RBFOX2: variants seen among roughly 807,000 people sequenced by gnomAD.
The protein encoded by RBFOX2 is RNA binding fox-1 homolog 2.
Under a neutral mutation model 49.1 loss-of-function variants are expected in RBFOX2, and 10 were observed. The observed-to-expected ratio is 0.20, with a 90% confidence interval of 0.13 to 0.35. RBFOX2 has a LOEUF of 0.35. Among genes scored for constraint, RBFOX2 ranks in the 10% least tolerant of loss-of-function variants. The probability of loss-of-function intolerance (pLI) is 1.00; values close to 1 mark genes in which losing one functional copy is unlikely to be tolerated. For missense variants in RBFOX2, 323 were observed against 486.9 expected (o/e 0.66, Z 3.17); for synonymous variants, 183 against 187.4 (o/e 0.98, Z 0.19).
intron 1 of RBFOX2, among the ~76,000 whole-genome samples, chr22:35,891,222 C>T (rs769290396): frequency 2.4e-4 from 37 of 151,944 alleles, no homozygotes; most frequent in Non-Finnish European, 4.3e-4. Context: ...CAACCTCCAC[C>T]TCCCGGGTTC....
intron 1 of RBFOX2, among the ~76,000 whole-genome samples, chr22:35,917,137 C>T (rs2050517549): frequency 6.6e-6 from 1 of 152,082 alleles, no homozygotes. Flanking sequence ...TTGAGCAACT[C>T]CTAGGTGATG....
chr22:35,806,965 G>A (rs751797789), intron 2 of RBFOX2, among the ~76,000 whole-genome samples: 1 of 152,088 alleles, frequency 6.6e-6, no homozygotes, highest in Non-Finnish European at 1.5e-5. Context: ...CACCACGCCC[G>A]GCTAATTTTT....
At chr22:36,024,127 A>T (rs2059342845) in intron 1 of RBFOX2, among the ~76,000 whole-genome samples, 1 of 152,184 alleles carries the variant, frequency 6.6e-6, no homozygotes, top group Non-Finnish European at 1.5e-5. Flanking sequence ...CTGTGATGAT[A>T]CCCTCACTCT....
At chr22:35,937,563 T>G (rs1243718341) in intron 1 of RBFOX2, among the ~76,000 whole-genome samples, 1 of 152,132 alleles carries the variant, frequency 6.6e-6, no homozygotes, top group Non-Finnish European at 1.5e-5. Context: ...TCCTAGTTTT[T>G]GTTTTTTTGT....
At chr22:35,973,356 T>C (rs945160358) in intron 1 of RBFOX2, among the ~76,000 whole-genome samples, 5 of 152,232 alleles carry the variant, frequency 3.3e-5, no homozygotes, top group Admixed American at 3.3e-4. Context: ...AGTAACTGTT[T>C]AACAATTAGT....
intron 1 of RBFOX2, among the ~76,000 whole-genome samples, chr22:35,923,332 CT>C (rs1169060618): frequency 1.3e-5 from 2 of 150,214 alleles, no homozygotes; most frequent in East Asian, 2.0e-4. Flanking sequence ...CCTTTCATAT[CT>C]TTTTTTTCTT....
Position 35,817,209 on chromosome 22 carries a change from T to C in RBFOX2, c.28-7205A>G, listed in dbSNP as rs115066668. 1.6e-3 allele frequency among the ~76,000 whole-genome samples: 246 copies of C among 152,106 alleles called. 1 individual carries two copies. Among genetic ancestry groups the C allele is most frequent in the African/African-American group, 5.3e-3 (222 of 41,506 alleles). On this transcript the variant is annotated intron_variant, in intron 1 of 11. Transcript: ENST00000405409. ...AAGAGGGCATAGAGGCTAGGCCCCA[T>C]GGCTCCCAAGGTAATTCCAGCACCT...
chr22:35,866,541 T>C (rs1321000966), intron 1 of RBFOX2, among the ~76,000 whole-genome samples: 1 of 152,084 alleles, frequency 6.6e-6, no homozygotes, highest in Non-Finnish European at 1.5e-5. Context: ...TCCCACTAAG[T>C]ACAATTTAAA....
intron 1 of RBFOX2, among the ~76,000 whole-genome samples, chr22:35,945,386 G>C (rs1243963170): frequency 1.3e-5 from 2 of 151,278 alleles, no homozygotes; most frequent in Non-Finnish European, 2.9e-5. Context: ...AATCCCATAT[G>C]CTATTACATG....
At chr22:35,836,765 T>G (rs1013683445) in intron 1 of RBFOX2, among the ~76,000 whole-genome samples, 5 of 152,252 alleles carry the variant, frequency 3.3e-5, no homozygotes, top group African/African-American at 9.6e-5. Flanking sequence ...CCTAGTACAC[T>G]TTCCCTTTCA....
intron 1 of RBFOX2, among the ~76,000 whole-genome samples, chr22:35,873,517 T>C (rs2044628556): frequency 6.6e-6 from 1 of 152,214 alleles, no homozygotes; most frequent in Non-Finnish European, 1.5e-5. Flanking sequence ...GTTCCTACAA[T>C]AGTACTAGTG....
intron 1 of RBFOX2, among the ~76,000 whole-genome samples, chr22:35,956,913 G>A (rs1255681828): frequency 6.6e-6 from 1 of 152,178 alleles, no homozygotes; most frequent in Non-Finnish European, 1.5e-5. Context: ...TACTTCAGCA[G>A]GAACACTGAA....
chr22:35,853,604 C>T (rs2042187659), intron 1 of RBFOX2, among the ~76,000 whole-genome samples: 2 of 151,932 alleles, frequency 1.3e-5, no homozygotes, highest in South Asian at 4.2e-4. Flanking sequence ...CATATGTCCA[C>T]ACATTATATA....
intron 1 of RBFOX2, among the ~76,000 whole-genome samples, chr22:35,936,920 C>G (rs754476983): frequency 6.6e-6 from 1 of 152,160 alleles, no homozygotes; most frequent in Non-Finnish European, 1.5e-5. Context: ...ATTAGCTTTA[C>G]CTTCCTAAAT....
chr22:35,966,549 C>G (rs1419416351), upstream of RBFOX2, among the ~76,000 whole-genome samples: 2 of 152,150 alleles, frequency 1.3e-5, no homozygotes, highest in African/African-American at 4.8e-5. Context: ...GTGATAATAT[C>G]TCATCGTGGT....
intron 1 of RBFOX2, among the ~76,000 whole-genome samples, chr22:36,004,974 C>T (rs13058174): frequency 2.0e-5 from 3 of 152,166 alleles, no homozygotes; most frequent in Non-Finnish European, 2.9e-5. Flanking sequence ...TGCAGACTCC[C>T]ATTCTCTGAG....
At chr22:35,894,379 A>C (rs1398617833) in intron 1 of RBFOX2, among the ~76,000 whole-genome samples, 1 of 152,190 alleles carries the variant, frequency 6.6e-6, no homozygotes, top group African/African-American at 2.4e-5. Context: ...AGCTTATGAA[A>C]GCTTATTCCT....
At chr22:35,891,474 G>C (rs1319471660) in intron 1 of RBFOX2, among the ~76,000 whole-genome samples, 1 of 151,870 alleles carries the variant, frequency 6.6e-6, no homozygotes, top group East Asian at 1.9e-4. Context: ...CTTTGTATTT[G>C]CAACAGCTGG....
intron 1 of RBFOX2, among the ~76,000 whole-genome samples, chr22:36,008,514 A>G (rs1047025173): frequency 2.0e-5 from 3 of 152,172 alleles, no homozygotes; most frequent in Non-Finnish European, 4.4e-5. Flanking sequence ...GGTTTCTCCT[A>G]GAGGTTTAAC....
Sources: allele counts gnomAD v4.1 joint callset (sites outside exome capture counted in the v4.1 genomes callset), GRCh38; gene constraint gnomAD v4.1.1; transcripts MANE v1.5; gene names NCBI Gene and HGNC (gene_info 2026-07-23, HGNC 2026-07-21).